COL22A1: variants seen among roughly 807,000 people sequenced by gnomAD.
COL22A1 encodes the protein collagen type XXII alpha 1 chain, also known as collagen alpha-1(XXII) chain.
COL22A1 carries 221 observed loss-of-function variants against 248.9 expected under a neutral mutation model. The observed-to-expected ratio is 0.89, with a 90% CI of 0.80 to 0.99. The LOEUF (loss-of-function observed/expected upper bound fraction) is 0.99. Ranked by LOEUF, COL22A1 falls within the 50% of genes least tolerant of loss-of-function variation. The pLI is 0.00. For missense variants in COL22A1, 2,240 were observed against 2,179.0 expected, an observed-to-expected ratio of 1.03 and a Z score of -0.56; for synonymous variants, 891 against 793.4, an observed-to-expected ratio of 1.12 and a Z score of -2.07.
chr8:138,747,388 G>A (rs182417028), intron 22 of COL22A1, among the ~76,000 whole-genome samples: 1 of 152,120 alleles, frequency 6.6e-6, no homozygotes, highest in Non-Finnish European at 1.5e-5. Flanking sequence ...ACATGGAAAA[G>A]CTCCATTGGT....
chr8:138,656,587 A>G (rs1447427714), intron 44 of COL22A1, among the ~76,000 whole-genome samples: 1 of 152,204 alleles, frequency 6.6e-6, no homozygotes, highest in African/African-American at 2.4e-5. Context: ...TTACAACCAC[A>G]GCCATCCTGG....
intron 13 of COL22A1, among the ~76,000 whole-genome samples, chr8:138,780,183 G>C (rs1814832370): frequency 6.6e-6 from 1 of 152,196 alleles, no homozygotes; most frequent in Non-Finnish European, 1.5e-5. Context: ...TCATGGAAAG[G>C]ATGTTGGCCA....
At chr8:138,764,742 T>G (rs1362704978) in intron 16 of COL22A1, among the ~76,000 whole-genome samples, 3 of 152,150 alleles carry the variant, frequency 2.0e-5, no homozygotes, top group African/African-American at 7.2e-5. Context: ...GCAAATCACC[T>G]GAGGTCAGGA....
intron 3 of COL22A1, among the ~76,000 whole-genome samples, chr8:138,844,945 A>G (rs560029138): frequency 2.9e-5 from 4 of 140,226 alleles, no homozygotes; most frequent in Middle Eastern, 4.0e-3. Flanking sequence ...GCAAGACTCC[A>G]TCTCAAAAAA....
chr8:138,835,826 GATA>G (rs1451169779), intron 4 of COL22A1, among the ~76,000 whole-genome samples: 2 of 106,816 alleles, frequency 1.9e-5, no homozygotes, highest in East Asian at 6.6e-4. Context: ...GTAAAATTGG[GATA>G]ATAATAACAG....
At position 138,646,681 on chromosome 8, in the gene COL22A1, C is replaced by A; in HGVS notation, c.3449G>T (p.Gly1150Val). The A allele has an allele frequency of 6.3e-7, 1 of 1,576,562 alleles. No individual in the cohort carries two copies. The highest frequency in any genetic ancestry group is 1.2e-5 in the South Asian group (1 of 84,816). Reference sequence around the variant, plus strand: ...TGGTAGGCCTGGAGGCCCAGCCTCTCCCTGTATCAGGGATACAAGAAAAAA... The same window carrying A: ...TGGTAGGCCTGGAGGCCCAGCCTCTACCTGTATCAGGGATACAAGAAAAAA... ...PGREGTEGKK[G>V]EAGPPGLPGP... The change falls in exon 47 of 65, where the codon GGA becomes GTA. Residue 1150 changes from glycine (G) to valine (V), a missense_variant and splice_region_variant. Physicochemically the swap from Gly to Val is moderately radical, Grantham distance 109. Coordinates refer to ENST00000303045, the MANE Select transcript of COL22A1 (RefSeq NM_152888.3).
chr8:138,689,199 T>C (rs1826625348), intron 36 of COL22A1, among the ~76,000 whole-genome samples: 1 of 151,986 alleles, frequency 6.6e-6, no homozygotes, highest in South Asian at 2.1e-4. Context: ...ATCAGAGCTC[T>C]TAACAGCAGG....
At chr8:138,901,502 G>A (rs565896383) in intron 1 of COL22A1, among the ~76,000 whole-genome samples, 1 of 151,790 alleles carries the variant, frequency 6.6e-6, no homozygotes, top group East Asian at 2.0e-4. Flanking sequence ...AGGTAGCTGA[G>A]ACTACAGGTA....
intron 12 of COL22A1, among the ~76,000 whole-genome samples, chr8:138,781,327 G>T (rs1304622048): frequency 6.6e-6 from 1 of 152,122 alleles, no homozygotes; most frequent in Non-Finnish European, 1.5e-5. Flanking sequence ...TAAAGTAGAG[G>T]ATTGGGCTGC....
chr8:138,647,701 G>A (rs982170748), intron 46 of COL22A1, among the ~76,000 whole-genome samples: 10 of 152,102 alleles, frequency 6.6e-5, no homozygotes, highest in Admixed American at 1.3e-4. Context: ...GGGGGTTCGT[G>A]GCCCCCTGCC....
Position 138,628,364 on chromosome 8 carries a change from A to T in COL22A1, c.3664-2121T>A, listed in dbSNP as rs1272611523. Among the ~76,000 whole-genome samples, 3 of 151,674 alleles carry T rather than the reference A, an allele frequency of 2.0e-5. No individual in the cohort carries two copies. In the East Asian group the frequency reaches 5.8e-4, roughly 30 times the overall value. On this transcript the variant is annotated intron_variant, in intron 50 of 64. Coordinates refer to ENST00000303045, the MANE Select transcript of COL22A1 (RefSeq NM_152888.3). ...CACTTTGGGAAGCCAAGGCAGGAGG[A>T]ACACTTGAGGTCAGGAGTTCAAGAT...
At chr8:138,691,725 CAT>C (rs1483677110) in intron 35 of COL22A1, among the ~76,000 whole-genome samples, 6 of 122,020 alleles carry the variant, frequency 4.9e-5, no homozygotes, top group African/African-American at 1.7e-4. Context: ...TATGTGTGTA[CAT>C]GTGAGTGTGC....
At chr8:138,675,959 G>A (rs1825472380) in intron 41 of COL22A1, among the ~76,000 whole-genome samples, 1 of 152,156 alleles carries the variant, frequency 6.6e-6, no homozygotes, top group Non-Finnish European at 1.5e-5. Context: ...CATTCAGGTG[G>A]AGGCCGAAGA....
intron 12 of COL22A1, among the ~76,000 whole-genome samples, chr8:138,786,995 T>G (rs1815587174): frequency 6.6e-6 from 1 of 152,246 alleles, no homozygotes; most frequent in Admixed American, 6.5e-5. Flanking sequence ...TTAACTTCTA[T>G]GAGCCTCTCA....
At chr8:138,637,392 C>G (rs1425548242) in intron 47 of COL22A1, among the ~76,000 whole-genome samples, 2 of 152,124 alleles carry the variant, frequency 1.3e-5, no homozygotes, top group African/African-American at 2.4e-5. Flanking sequence ...TTCCTTGCTC[C>G]CTCCCTTACT....
At chr8:138,655,986 T>G in intron 44 of COL22A1, 42 bp from the exon 45 acceptor site, 1 of 1,468,792 alleles carries the variant, frequency 6.8e-7, no homozygotes, top group Non-Finnish European at 9.5e-7. Flanking sequence ...TACATGCATA[T>G]ATACAATAAA....
rs1328066884 is a variant in COL22A1, at chr8:138,662,044, G to A, written c.3226C>T (p.Pro1076Ser). The change falls in exon 43 of 65, where the codon CCA (proline) becomes TCA (serine). Residue 1076 changes from proline to serine, a missense_variant. Transcript: ENST00000303045. Reference sequence around the variant, plus strand: ...TCTGTACTTACGTCCCGGCCGGCTGGGCCCTGGGGGCCAGGGAATCCAGGT... The same window carrying A: ...TCTGTACTTACGTCCCGGCCGGCTGAGCCCTGGGGGCCAGGGAATCCAGGT... Reference protein sequence around the residue: ...GLPGFPGPQGPAGRDGAPGNP... With the variant: ...GLPGFPGPQGSAGRDGAPGNP... The A allele has an allele frequency of 5.0e-6, 8 of 1,611,708 alleles. No individual in the cohort carries two copies. In the South Asian group the frequency reaches 6.6e-5, roughly 13 times the overall value.
intron 59 of COL22A1, among the ~76,000 whole-genome samples, chr8:138,602,998 A>G (rs1818156514): frequency 6.6e-6 from 1 of 152,218 alleles, no homozygotes; most frequent in Non-Finnish European, 1.5e-5. Flanking sequence ...AGAGCTTGAT[A>G]TTGGCGAAGG....
chr8:138,732,945 T>G (rs1185046709), intron 23 of COL22A1, among the ~76,000 whole-genome samples: 2 of 152,252 alleles, frequency 1.3e-5, no homozygotes, highest in Non-Finnish European at 2.9e-5. Context: ...CTTGCATAAA[T>G]TAGCATGACA....
Sources: gnomAD v4.1 joint callset for allele counts (sites outside exome capture counted in the v4.1 genomes callset) on GRCh38, gnomAD v4.1.1 for gene constraint, MANE v1.5 for transcripts, NCBI Gene and HGNC (gene_info 2026-07-23, HGNC 2026-07-21) for gene names.